The following ATP13A3 variants were observed in gnomAD, a reference collection of about 807,000 sequenced individuals.
The protein encoded by ATP13A3 is polyamine-transporting ATPase 13A3.
ATP13A3 carries 59 observed loss-of-function variants against 158.1 expected under a neutral mutation model. The ratio of observed to expected loss-of-function variants is 0.37; its 90% CI spans 0.30 to 0.46. The LOEUF is 0.46. Ranked by LOEUF, ATP13A3 falls within the 20% of genes least tolerant of loss-of-function variation. ATP13A3 has a pLI of 1.00. For synonymous variants in ATP13A3, 491 were observed against 504.3 expected, an observed-to-expected ratio of 0.97 and a Z score of 0.35; for missense variants, 1,166 against 1,525.2, an observed-to-expected ratio of 0.76 and a Z score of 3.92.
chr3:194,404,183 T>C lies in ATP13A3; in HGVS notation c.*1736A>G, dbSNP rs1714787807. ...AATTCACAGCTCAAGAGGTCTAAGA[T>C]GCATAGCTTCATAGAATCATTCATG... is the stretch of plus-strand genomic sequence containing the variant. On this transcript the variant is annotated 3_prime_UTR_variant, in exon 34 of 34. Coordinates refer to ENST00000645319, the MANE Select transcript of ATP13A3 (RefSeq NM_001367549.1). The C allele has an allele frequency of 9.1e-6, 4 of 437,310 alleles. No individual in the cohort carries two copies. Among genetic ancestry groups the C allele is most frequent in the South Asian group, 1.6e-5 (1 of 60,916 alleles). The allele number at this position is 437,310 out of a possible 1,614,324, so 27.1% of individuals were successfully genotyped here.
chr3:194,457,556 A>G (rs1001913143), intron 6 of ATP13A3, among the ~76,000 whole-genome samples: 27 of 152,118 alleles, frequency 1.8e-4, no homozygotes, highest in African/African-American at 5.6e-4. Flanking sequence ...AGATGAAAAC[A>G]TTTTACTTTT....
At chr3:194,460,197 T>C (rs1040342200) in intron 4 of ATP13A3, among the ~76,000 whole-genome samples, 1 of 152,202 alleles carries the variant, frequency 6.6e-6, no homozygotes, top group Admixed American at 6.5e-5. Context: ...GATAAGCACA[T>C]CAATACTTCA....
chr3:194,483,880 T>A (rs907384570), intron 2 of ATP13A3, among the ~76,000 whole-genome samples: 2 of 152,150 alleles, frequency 1.3e-5, no homozygotes, highest in African/African-American at 4.8e-5. Flanking sequence ...GAAATGTGAT[T>A]CTAAGGAGGG....
intron 8 of ATP13A3, among the ~76,000 whole-genome samples, chr3:194,455,246 C>T (rs577468195): frequency 2.0e-5 from 3 of 151,298 alleles, no homozygotes; most frequent in African/African-American, 7.4e-5. Flanking sequence ...AAAGGGAGAC[C>T]TTGGCAATGA....
chr3:194,445,361 C>T (rs1718332593), intron 14 of ATP13A3, among the ~76,000 whole-genome samples: 1 of 152,168 alleles, frequency 6.6e-6, no homozygotes. Flanking sequence ...GAGGAAATCT[C>T]AACTGGATAT....
chr3:194,417,954 C>A (rs138983795), intron 31 of ATP13A3, among the ~76,000 whole-genome samples: 5 of 77,960 alleles, frequency 6.4e-5, no homozygotes, highest in African/African-American at 2.8e-4. Flanking sequence ...GACAGACGGA[C>A]GGACGGAAGG....
rs953744291 is a variant in ATP13A3, at chr3:194,492,981, C to T, written n.746+1069G>A. The stretch of plus-strand genomic sequence containing the variant: ...AGGCACATAAAATATCCTTCTCACC[C>T]GGGCACAGTGGCAGGTGCCTGTAGT... On this transcript the variant is annotated intron_variant and non_coding_transcript_variant, in intron 2 of 32. Transcript: ENST00000687055. Among the ~76,000 whole-genome samples, 10 of 151,950 alleles carry T rather than the reference C, an allele frequency of 6.6e-5. 1 individual carries two copies. In the South Asian group the frequency reaches 1.2e-3, roughly 19 times the overall value.
rs544901886 is a variant in ATP13A3 at position 194,478,975 on chromosome 3, TC to T, written c.-47+6818del. On this transcript the variant is annotated intron_variant, in intron 2 of 33. Transcript: ENST00000645319. Reference sequence around the variant, plus strand: ...CCAAGAGGCCCTAACCAAGCCCCCTTCCTTGCTACCTATAAAATCACAACTC... The same window carrying T: ...CCAAGAGGCCCTAACCAAGCCCCCTTCTTGCTACCTATAAAATCACAACTC... Among the ~76,000 whole-genome samples the T allele has an allele frequency of 2.0e-3, 311 of 152,286 alleles. 1 individual carries two copies. The highest frequency in any genetic ancestry group is 3.6e-3 in the Non-Finnish European group (242 of 68,018).
rs73073159 is a variant in ATP13A3 at position 194,478,423 on chromosome 3, G to T, written c.-47+7371C>A. ...TCTAAGACCAGAAGGATGTAAACTT[G>T]ATCAAGCAAACAAGCAGTAAGAGGA... On this transcript the variant is annotated intron_variant, in intron 2 of 33. Coordinates refer to ENST00000645319, the MANE Select transcript of ATP13A3 (RefSeq NM_001367549.1). Among the ~76,000 whole-genome samples, 211 of 152,072 alleles carry T rather than the reference G, an allele frequency of 1.4e-3. 1 individual carries two copies. Among genetic ancestry groups the T allele is most frequent in the African/African-American group, 4.7e-3 (197 of 41,486 alleles).
At chr3:194,488,094 A>AG (rs1303642606), upstream of ATP13A3, 10 of 152,372 alleles carry the variant, frequency 6.6e-5, 1 homozygote, top group Non-Finnish European at 1.5e-4. This position sits in a 1 kb window ranked among gnomAD's most constrained non-coding sequence, Gnocchi z 4.1. Context: ...GTGTGAGGCT[A>AG]GCATTTCTGC....
chr3:194,413,980 G>A (rs1696814970), intron 31 of ATP13A3, 141 bp from the exon 32 acceptor site: 3 of 694,032 alleles, frequency 4.3e-6, no homozygotes, highest in South Asian at 3.5e-5. Flanking sequence ...CCTCAACAAT[G>A]CCCCGCGGTA....
rs28590509 is a variant in ATP13A3 at position 194,428,652 on chromosome 3, G to A, written c.2947+193C>T. ...CAAAACTTATTTTCAAATATTTCAG[G>A]GAAAAAAATAGAGACAGAACAATTA... On this transcript the variant is annotated intron_variant, in intron 28 of 33. Transcript: ENST00000645319. Among the ~76,000 whole-genome samples, 17,752 of 151,792 alleles carry A rather than the reference G, an allele frequency of 0.12. 1,759 individuals are homozygous for A. Among genetic ancestry groups the A allele is most frequent in the African/African-American group, 0.27 (11,012 of 41,344 alleles).
intron 2 of ATP13A3, among the ~76,000 whole-genome samples, chr3:194,473,486 GA>G (rs10699324): frequency 8.4e-4 from 121 of 143,466 alleles, no homozygotes; most frequent in African/African-American, 1.5e-3. Flanking sequence ...TTAAATTGGT[GA>G]AAAAAAAAAA....
At chr3:194,424,898 C>T (rs1004133518) in intron 30 of ATP13A3, among the ~76,000 whole-genome samples, 6 of 152,144 alleles carry the variant, frequency 3.9e-5, no homozygotes, top group Admixed American at 6.5e-5. Context: ...GCAGATGCTG[C>T]GCAGACCGCC....
chr3:194,475,415 A>C (rs1720482293), intron 2 of ATP13A3, among the ~76,000 whole-genome samples: 1 of 152,200 alleles, frequency 6.6e-6, no homozygotes, highest in African/African-American at 2.4e-5. Flanking sequence ...TCTGTACAAA[A>C]AGTAAAATCC....
At chr3:194,447,708 G>T in intron 13 of ATP13A3, 144 bp downstream of exon 13, 1 of 730,528 alleles carries the variant, frequency 1.4e-6, no homozygotes, top group South Asian at 2.1e-5. Context: ...CTAGTCTCAT[G>T]ACTTTGTTAG....
chr3:194,445,268 G>A (rs1718326000), intron 14 of ATP13A3, among the ~76,000 whole-genome samples: 1 of 152,122 alleles, frequency 6.6e-6, no homozygotes, highest in African/African-American at 2.4e-5. Context: ...GTAAGTAAAG[G>A]CAATTGTTAC....
chr3:194,429,105 GTATAT>G (rs1367917231), intron 27 of ATP13A3, among the ~76,000 whole-genome samples, 188 bp from the exon 28 acceptor site: 1 of 151,994 alleles, frequency 6.6e-6, no homozygotes, highest in Non-Finnish European at 1.5e-5. Context: ...ATTTGATTTA[GTATAT>G]TAGTATAAAA....
chr3:194,410,937 GGTGT>G lies in ATP13A3; in HGVS notation c.3573+1258_3573+1261del, dbSNP rs34952393. ...GGGGGTGGGAGGGTTGGGGTGTTGGGGTGTGTGTGTGTGTGTGTGTGTGTGTGTG... is the reference window on the plus strand; with the variant it reads ...GGGGGTGGGAGGGTTGGGGTGTTGGGGTGTGTGTGTGTGTGTGTGTGTGTG... On this transcript the variant is annotated intron_variant, in intron 33 of 33. Coordinates refer to ENST00000645319, the MANE Select transcript of ATP13A3 (RefSeq NM_001367549.1). Among the ~76,000 whole-genome samples, 745 of 127,214 alleles carry G rather than the reference GGTGT, an allele frequency of 5.9e-3. 3 individuals are homozygous for G. Among genetic ancestry groups the G allele is most frequent in the African/African-American group, 0.013 (388 of 30,602 alleles). The allele number at this position is 127,214 out of a possible 152,430, so 83.5% of individuals were successfully genotyped here.
Sources: allele counts gnomAD v4.1 joint callset (sites outside exome capture counted in the v4.1 genomes callset), GRCh38; gene constraint gnomAD v4.1.1; non-coding constraint Gnocchi (gnomAD v3.1); transcripts MANE v1.5; gene names NCBI Gene and HGNC (gene_info 2026-07-23, HGNC 2026-07-21).